The following NALF1 variants were observed in gnomAD, a reference collection of about 807,000 sequenced individuals.
NALF1 encodes family with sequence similarity 155 member A.
In NALF1, 3 loss-of-function variants were observed where a neutral mutation model predicts 48.4. The observed-to-expected ratio is 0.06, with a 90% CI of 0.03 to 0.16. NALF1 has a LOEUF of 0.16. NALF1 is among the 10% of genes least tolerant of loss of function. The pLI is 1.00. For missense variants in NALF1, 526 were observed against 571.5 expected (o/e 0.92, Z 0.81); for synonymous variants, 262 against 245.7 (o/e 1.07, Z -0.62).
intron 1 of NALF1, among the ~76,000 whole-genome samples, chr13:107,233,798 G>A (rs1389351557): frequency 1.3e-5 from 2 of 152,184 alleles, no homozygotes; most frequent in African/African-American, 2.4e-5. Context: ...CAGCGAGAGC[G>A]TGAGGGAGAG....
At chr13:107,784,200 A>G (rs1878006466) in intron 1 of NALF1, among the ~76,000 whole-genome samples, 2 of 152,240 alleles carry the variant, frequency 1.3e-5, no homozygotes, top group African/African-American at 2.4e-5. Context: ...GAGTAGCGAA[A>G]TAACTACTGC....
At chr13:107,313,846 G>A (rs923624192) in intron 1 of NALF1, among the ~76,000 whole-genome samples, 1 of 152,018 alleles carries the variant, frequency 6.6e-6, no homozygotes. Flanking sequence ...CGCCTTTCCA[G>A]ACCGAACCAA....
rs1878673348 is a variant in NALF1, at chr13:107,166,975, A to ACTAT, written c.*3518_*3521dup. On this transcript the variant is annotated 3_prime_UTR_variant, in exon 3 of 3. Transcript: ENST00000375915. ...CTGCCTTGTGAGAGAGGGGAAAAATACTATCTTTTTAATGCAAGAAAAGTT... is the reference window on the plus strand; with the variant it reads ...CTGCCTTGTGAGAGAGGGGAAAAATACTATCTATCTTTTTAATGCAAGAAAAGTT... The ACTAT allele has an allele frequency of 2.0e-5, 3 of 152,338 alleles. No individual in the cohort carries two copies. The South Asian group carries it at 6.2e-4, about 32-fold the overall frequency. 9.4% of individuals were successfully genotyped at this position (152,338 alleles called of 1,614,324 possible).
rs1878737675 is a variant in NALF1, at chr13:107,169,216, T to C, written c.*1281A>G. ...ACGTTAATAAAAATGGCTGACCTAT[T>C]TATTTTTTAAAAAAGAAGTTGTTCC... On this transcript the variant is annotated 3_prime_UTR_variant, in exon 3 of 3. Coordinates refer to ENST00000375915, the MANE Select transcript of NALF1 (RefSeq NM_001080396.3). 6.6e-6 allele frequency: 1 copy of C among 152,360 alleles called. No homozygotes were observed. Among genetic ancestry groups the C allele is most frequent in the African/African-American group, 2.4e-5 (1 of 41,444 alleles). 9.4% of individuals were successfully genotyped at this position (152,360 alleles called of 1,614,324 possible).
At chr13:107,456,140 A>G (rs927038854) in intron 1 of NALF1, among the ~76,000 whole-genome samples, 7 of 152,114 alleles carry the variant, frequency 4.6e-5, no homozygotes. Flanking sequence ...GTTTTTTTCA[A>G]TAGAAAGTTC....
chr13:107,283,535 G>A (rs139355494), intron 1 of NALF1, among the ~76,000 whole-genome samples: 153 of 152,236 alleles, frequency 1.0e-3, no homozygotes, highest in African/African-American at 3.6e-3. Context: ...TCCCTGGCTT[G>A]GGGGCAGTTT....
chr13:107,780,660 G>T (rs995559412), intron 1 of NALF1, among the ~76,000 whole-genome samples: 23 of 152,004 alleles, frequency 1.5e-4, no homozygotes, highest in African/African-American at 5.5e-4. Context: ...CAACAGTGGT[G>T]GTGGCTCACA....
chr13:107,295,482 G>A (rs1881707986), intron 1 of NALF1, among the ~76,000 whole-genome samples: 1 of 152,076 alleles, frequency 6.6e-6, no homozygotes, highest in South Asian at 2.1e-4. Flanking sequence ...TCCACCTCTT[G>A]GTAGTGTCTC....
intron 1 of NALF1, among the ~76,000 whole-genome samples, chr13:107,814,782 G>A (rs1879114435): frequency 6.6e-6 from 1 of 152,094 alleles, no homozygotes; most frequent in South Asian, 2.1e-4. Flanking sequence ...CTAAGCAGAA[G>A]ATGAACAGGG....
At position 107,294,219 on chromosome 13, in the gene NALF1, C is replaced by A. The variant is rs113838918; in HGVS notation, c.916-83464G>T. ...GAGAAGAATGCTGCTTCAGATGCTG[C>A]AGATATCTAAAATGAGTTGAATCCC... On this transcript the variant is annotated intron_variant, in intron 1 of 2. Coordinates refer to ENST00000375915, the MANE Select transcript of NALF1 (RefSeq NM_001080396.3). Among the ~76,000 whole-genome samples, 622 of 152,240 alleles carry A rather than the reference C, an allele frequency of 4.1e-3. 5 individuals carry two copies. Among genetic ancestry groups the A allele is most frequent in the African/African-American group, 0.014 (588 of 41,552 alleles).
At chr13:107,701,149 G>T (rs1594214712) in intron 1 of NALF1, among the ~76,000 whole-genome samples, 2 of 152,286 alleles carry the variant, frequency 1.3e-5, no homozygotes, top group Non-Finnish European at 2.9e-5. Context: ...ACCCAAAGGA[G>T]ATGAAATCAC....
At chr13:107,394,657 G>A (rs9583170) in intron 1 of NALF1, among the ~76,000 whole-genome samples, 42,287 of 151,932 alleles carry the variant, frequency 0.28, 5,923 homozygotes, top group Admixed American at 0.31. Flanking sequence ...TAACATTATT[G>A]AAATTTGGGG....
At chr13:107,202,114 T>C (rs1387120820) in intron 2 of NALF1, among the ~76,000 whole-genome samples, 1 of 152,208 alleles carries the variant, frequency 6.6e-6, no homozygotes, top group Non-Finnish European at 1.5e-5. Context: ...TTTCAAGTTT[T>C]CTTCTTGGAG....
chr13:107,439,221 C>T (rs1566342844), intron 1 of NALF1, among the ~76,000 whole-genome samples: 1 of 152,184 alleles, frequency 6.6e-6, no homozygotes, highest in Non-Finnish European at 1.5e-5. Flanking sequence ...TTACCATACT[C>T]TGAGAACCTC....
At chr13:107,797,726 A>C in intron 1 of NALF1, among the ~76,000 whole-genome samples, 1 of 152,342 alleles carries the variant, frequency 6.6e-6, no homozygotes. Flanking sequence ...ATTTGAAGAT[A>C]AATTTCATTT....
intron 1 of NALF1, among the ~76,000 whole-genome samples, chr13:107,864,368 A>G (rs2138652664): frequency 6.6e-6 from 1 of 152,344 alleles, no homozygotes; most frequent in Admixed American, 6.5e-5. Context: ...CGCCCAAAGT[A>G]AAATATGGCC....
At chr13:107,429,982 G>A (rs1344546643) in intron 1 of NALF1, among the ~76,000 whole-genome samples, 1 of 152,128 alleles carries the variant, frequency 6.6e-6, no homozygotes, top group Non-Finnish European at 1.5e-5. Flanking sequence ...TAACCTATGA[G>A]ACTGCTTAAC....
chr13:107,802,273 C>A (rs1878642899), intron 1 of NALF1, among the ~76,000 whole-genome samples: 1 of 151,660 alleles, frequency 6.6e-6, no homozygotes, highest in Admixed American at 6.6e-5. Context: ...TGTGTAGATA[C>A]CTCTAGAAAA....
At chr13:107,461,979 T>C (rs916991968) in intron 1 of NALF1, among the ~76,000 whole-genome samples, 8 of 152,206 alleles carry the variant, frequency 5.3e-5, no homozygotes, top group Admixed American at 1.3e-4. Context: ...CAGTAGGTTA[T>C]TCACATTCTT....
Sources: allele counts gnomAD v4.1 joint callset (sites outside exome capture counted in the v4.1 genomes callset), GRCh38; gene constraint gnomAD v4.1.1; transcripts MANE v1.5; gene names NCBI Gene and HGNC (gene_info 2026-07-23, HGNC 2026-07-21).